The following ABCC4 variants were observed in gnomAD, a reference collection of about 807,000 sequenced individuals.
ABCC4 encodes ATP binding cassette subfamily C member 4 (PEL blood group), also known as ATP-binding cassette sub-family C member 4.
ABCC4 carries 102 observed loss-of-function variants against 168.5 expected under a neutral mutation model. That is an observed-to-expected ratio of 0.61 (90% CI 0.52 to 0.71). The LOEUF is 0.71. Ranked by LOEUF, ABCC4 falls within the 30% of genes least tolerant of loss-of-function variation. ABCC4 has a pLI of 0.00. For missense variants in ABCC4, 1,402 were observed against 1,605.8 expected (o/e 0.87, Z 2.17); for synonymous variants, 617 against 590.7 (o/e 1.04, Z -0.65).
At chr13:95,201,794 G>A (rs1280108016) in intron 8 of ABCC4, among the ~76,000 whole-genome samples, 1 of 152,130 alleles carries the variant, frequency 6.6e-6, no homozygotes, top group Non-Finnish European at 1.5e-5. Flanking sequence ...CCAACGTGGT[G>A]AAACCTTGCC....
chr13:95,097,782 A>G (rs1470140003), intron 20 of ABCC4, among the ~76,000 whole-genome samples: 1 of 151,792 alleles, frequency 6.6e-6, no homozygotes, highest in African/African-American at 2.4e-5. Context: ...AAATCCCTAA[A>G]TCTTTAGAAA....
intron 1 of ABCC4, among the ~76,000 whole-genome samples, chr13:95,300,423 G>T (rs1283450505): frequency 6.6e-6 from 1 of 152,204 alleles, no homozygotes; most frequent in Admixed American, 6.5e-5. Flanking sequence ...GGCGGTGCAT[G>T]TCCCAGTTAA....
At chr13:95,029,167 CATATATATATATAT>C (rs67576340) in intron 30 of ABCC4, among the ~76,000 whole-genome samples, 6,413 of 82,664 alleles carry the variant, frequency 0.078, 555 homozygotes, top group East Asian at 0.097. Flanking sequence ...AAAAAAAATA[CATATATATATATAT>C]ATATATATAT....
At chr13:95,225,541 G>A (rs1156910228) in intron 4 of ABCC4, among the ~76,000 whole-genome samples, 1 of 152,030 alleles carries the variant, frequency 6.6e-6, no homozygotes, top group Non-Finnish European at 1.5e-5. Flanking sequence ...GCAGTGGCAT[G>A]CATCTGTAAT....
chr13:95,264,668 A>C (rs1019682308), intron 1 of ABCC4, among the ~76,000 whole-genome samples: 13 of 152,206 alleles, frequency 8.5e-5, no homozygotes, highest in African/African-American at 3.1e-4. Flanking sequence ...AGGCTGAAGG[A>C]TACTAAAGAA....
At chr13:95,256,478 G>A (rs1395298139) in intron 1 of ABCC4, among the ~76,000 whole-genome samples, 5 of 152,198 alleles carry the variant, frequency 3.3e-5, no homozygotes, top group Admixed American at 6.5e-5. Flanking sequence ...GCCATTGGCC[G>A]GGGACTGTGG....
Position 95,186,896 on chromosome 13 carries a change from A to T in ABCC4, c.1354-4T>A. The stretch of plus-strand genomic sequence containing the variant: ...GCACGGCACTTAACAGTGATGACTG[A>T]AACAGATTGTAAAAAAGCACATGTT... On this transcript the variant is annotated splice_polypyrimidine_tract_variant and splice_region_variant and intron_variant, in intron 10 of 30. Coordinates refer to ENST00000645237, the MANE Select transcript of ABCC4 (RefSeq NM_005845.5). 1 of 1,600,864 alleles carries T rather than the reference A, an allele frequency of 6.2e-7. No individual in the cohort carries two copies.
chr13:95,131,886 T>A (rs2035977636), intron 19 of ABCC4, among the ~76,000 whole-genome samples: 1 of 151,432 alleles, frequency 6.6e-6, no homozygotes, highest in South Asian at 2.1e-4. Flanking sequence ...AAAAAAAAAA[T>A]ATGACAGGTC....
At chr13:95,174,524 C>T (rs1267993358) in intron 13 of ABCC4, among the ~76,000 whole-genome samples, 1 of 152,222 alleles carries the variant, frequency 6.6e-6, no homozygotes, top group African/African-American at 2.4e-5. Flanking sequence ...TTTTAACAAG[C>T]TTGCTTCTAA....
intron 19 of ABCC4, among the ~76,000 whole-genome samples, chr13:95,129,962 C>T (rs1235322318): frequency 6.6e-6 from 1 of 151,842 alleles, no homozygotes; most frequent in Non-Finnish European, 1.5e-5. Context: ...ATAATCCCAG[C>T]TACTTGGGAG....
In ABCC4 at chr13:95,238,594, T is replaced by C. The variant is rs532097107; in HGVS notation, c.307-3760A>G. ...TTTTGAGATGGAGTTTCACTCTTGT[T>C]GCGCAGGCTGGAGTGCAGTGGTGCA... On this transcript the variant is annotated intron_variant, in intron 3 of 30. Transcript: ENST00000645237. Among the ~76,000 whole-genome samples the C allele has an allele frequency of 2.6e-5, 4 of 152,346 alleles. No homozygotes were observed. In the South Asian group the frequency reaches 6.2e-4, roughly 24 times the overall value.
intron 22 of ABCC4, among the ~76,000 whole-genome samples, 184 bp from the exon 23 acceptor site, chr13:95,074,508 C>T (rs375968724): frequency 6.6e-6 from 1 of 152,096 alleles, no homozygotes; most frequent in African/African-American, 2.4e-5. Context: ...CACAATGGTA[C>T]CGTGGCTTTC....
intron 19 of ABCC4, among the ~76,000 whole-genome samples, chr13:95,126,757 C>G (rs1384220746): frequency 2.9e-5 from 1 of 34,512 alleles, no homozygotes; most frequent in African/African-American, 8.7e-5. Context: ...ATATATATTC[C>G]AAAATATATA....
At chr13:95,230,635 C>A (rs1215860617) in intron 4 of ABCC4, among the ~76,000 whole-genome samples, 1 of 152,008 alleles carries the variant, frequency 6.6e-6, no homozygotes, top group Non-Finnish European at 1.5e-5. Context: ...ATTAGCCTGG[C>A]GTGGTGGCAG....
At chr13:95,259,529 C>T (rs1170218401) in intron 1 of ABCC4, among the ~76,000 whole-genome samples, 1 of 152,150 alleles carries the variant, frequency 6.6e-6, no homozygotes. Context: ...TCCCTGAACC[C>T]CACCCTCAAG....
chr13:95,200,321 C>T (rs1594285614), intron 8 of ABCC4, among the ~76,000 whole-genome samples: 1 of 152,190 alleles, frequency 6.6e-6, no homozygotes, highest in Non-Finnish European at 1.5e-5. Flanking sequence ...ATCCTGACGT[C>T]GTTTCTATTT....
intron 19 of ABCC4, among the ~76,000 whole-genome samples, chr13:95,118,415 T>C (rs1402330549): frequency 6.6e-6 from 1 of 152,146 alleles, no homozygotes; most frequent in Non-Finnish European, 1.5e-5. Flanking sequence ...AGCTAATTTC[T>C]GTATTTTTAG....
At chr13:95,033,660 ATC>A (rs955477263) in intron 30 of ABCC4, among the ~76,000 whole-genome samples, 1 of 137,078 alleles carries the variant, frequency 7.3e-6, no homozygotes, top group Non-Finnish European at 1.6e-5. Flanking sequence ...TGGCAATTAC[ATC>A]TTTTTTTTTT....
chr13:95,279,427 A>G (rs1286869653), intron 1 of ABCC4, among the ~76,000 whole-genome samples: 2 of 152,192 alleles, frequency 1.3e-5, no homozygotes. Flanking sequence ...ACTGTGGCAG[A>G]GTGTTTGCAA....
Sources: gnomAD v4.1 joint callset for allele counts (sites outside exome capture counted in the v4.1 genomes callset) on GRCh38, gnomAD v4.1.1 for gene constraint, MANE v1.5 for transcripts, NCBI Gene and HGNC (gene_info 2026-07-23, HGNC 2026-07-21) for gene names.